The following SPATA2L variants were observed in gnomAD, a reference collection of about 807,000 sequenced individuals.
SPATA2L encodes the protein spermatogenesis-associated protein 2-like protein.
In SPATA2L, 5 loss-of-function variants were observed where a neutral mutation model predicts 8.7. That is an observed-to-expected ratio of 0.57 (90% CI 0.30 to 1.21). SPATA2L has a LOEUF of 1.21. SPATA2L is among the 50% of genes most tolerant of loss of function. SPATA2L has a pLI of 0.07. For synonymous variants in SPATA2L, 358 were observed against 275.8 expected (o/e 1.30, Z -2.95); for missense variants, 671 against 591.0 (o/e 1.14, Z -1.40).
At chr16:89,700,278 G>C (rs972830016) in intron 2 of SPATA2L, among the ~76,000 whole-genome samples, 1 of 152,206 alleles carries the variant, frequency 6.6e-6, no homozygotes, top group African/African-American at 2.4e-5. Flanking sequence ...GTGTCCCCGG[G>C]GAGCCGCGGA....
Position 89,701,034 on chromosome 16 carries a change from G to T in SPATA2L, c.199C>A (p.Leu67Met). The T allele has an allele frequency of 6.4e-7, 1 of 1,570,506 alleles. No individual in the cohort carries two copies. The highest frequency in any genetic ancestry group is 8.6e-7 in the Non-Finnish European group (1 of 1,161,290). The change falls in exon 2 of 3, where the codon CTG becomes ATG. Residue 67 changes from leucine to methionine, a missense_variant. Coordinates refer to ENST00000289805, the MANE Select transcript of SPATA2L (RefSeq NM_152339.4). Reference sequence around the variant, plus strand: ...GCCAGGCCGCGTAGCGCGGGCGCCAGGTCGGCGCGGCCCCACAGCCCGTCG... The same window carrying T: ...GCCAGGCCGCGTAGCGCGGGCGCCATGTCGGCGCGGCCCCACAGCCCGTCG... ...LTDGLWGRAD[L>M]APALRGLARA...
chr16:89,700,845 T>G, intron 2 of SPATA2L, 85 bp downstream of exon 2: 1 of 1,354,224 alleles, frequency 7.4e-7, no homozygotes. Flanking sequence ...CCCCTCTCTC[T>G]CGAAAGGCGT....
At chr16:89,699,285 G>A (rs771653151) in intron 2 of SPATA2L, among the ~76,000 whole-genome samples, 12 of 152,092 alleles carry the variant, frequency 7.9e-5, no homozygotes, top group Admixed American at 2.0e-4. Flanking sequence ...TACAGATTTC[G>A]TTTGCTCCTC....
At chr16:89,698,447 T>C in intron 2 of SPATA2L, 142 bp from the exon 3 acceptor site, 1 of 618,772 alleles carries the variant, frequency 1.6e-6, no homozygotes, top group Non-Finnish European at 2.6e-6. Context: ...CTTAGCCAGC[T>C]TGGGCCAGGC....
rs778824657 is a variant in SPATA2L at position 89,698,354 on chromosome 16, G to C, written c.304-49C>G. ...TGACTGCCCACCCTCCCATAGGCCAGACCCTAGGGTACAGTGGGTCCGGGA... is the reference window on the plus strand; with the variant it reads ...TGACTGCCCACCCTCCCATAGGCCACACCCTAGGGTACAGTGGGTCCGGGA... On this transcript the variant is annotated intron_variant, in intron 2 of 2. Coordinates refer to ENST00000289805, the MANE Select transcript of SPATA2L (RefSeq NM_152339.4). 9 of 1,522,788 alleles carry C rather than the reference G, an allele frequency of 5.9e-6. No homozygotes were observed. In the East Asian group the frequency reaches 9.1e-5, roughly 15 times the overall value. The allele number at this position is 1,522,788 out of a possible 1,614,324, so 94.3% of individuals were successfully genotyped here.
chr16:89,698,347 T>G, intron 2 of SPATA2L, 42 bp from the exon 3 acceptor site: 1 of 1,529,104 alleles, frequency 6.5e-7, no homozygotes, highest in African/African-American at 1.4e-5. Flanking sequence ...CACCCTCCCA[T>G]AGGCCAGACC....
Position 89,698,085 on chromosome 16 carries a change from C to T in SPATA2L, c.524G>A (p.Ser175Asn). ...CAGCAGCTCCTCAGCTGGCAGCACA[C>T]TGGTGCCCAGCTGGGCCAGCACCTC... ...LGEVLAQLGT[S>N]VLPAEELLQA... Residue 175 changes from serine (S) to asparagine (N), a missense_variant, in exon 3 of 3, where the codon AGT becomes AAT. Ser to Asn is a conservative substitution (Grantham distance 46). Coordinates refer to ENST00000289805, the MANE Select transcript of SPATA2L (RefSeq NM_152339.4). The T allele has an allele frequency of 1.2e-6, 2 of 1,600,524 alleles. No individual in the cohort carries two copies. The highest frequency in any genetic ancestry group is 2.2e-5 in the East Asian group (1 of 44,686).
chr16:89,696,609 TG>T lies in SPATA2L; in HGVS notation c.*724del. The T allele has an allele frequency of 1.7e-6, 1 of 596,752 alleles. No homozygotes were observed. Among genetic ancestry groups the T allele is most frequent in the Non-Finnish European group, 2.9e-6 (1 of 344,514 alleles). The allele number at this position is 596,752 out of a possible 1,614,324, so 37.0% of individuals were successfully genotyped here. On this transcript the variant is annotated 3_prime_UTR_variant, in exon 3 of 3. Transcript: ENST00000289805. ...TGGAGGGGAGGGGCACCATTACCAC[TG>T]GACCCACCAAGACCCCGCCGCCTGG...
intron 2 of SPATA2L, among the ~76,000 whole-genome samples, chr16:89,700,713 C>T (rs1261511816): frequency 2.0e-5 from 3 of 152,220 alleles, no homozygotes; most frequent in African/African-American, 7.2e-5. Context: ...CCGTAGGCAG[C>T]ACCCAAGCCT....
chr16:89,701,165 G>T lies in SPATA2L; in HGVS notation c.68C>A (p.Ala23Glu). The T allele has an allele frequency of 6.7e-7, 1 of 1,494,920 alleles. No individual in the cohort carries two copies. Among genetic ancestry groups the T allele is most frequent in the South Asian group, 1.2e-5 (1 of 80,496 alleles). The allele number at this position is 1,494,920 out of a possible 1,614,324, so 92.6% of individuals were successfully genotyped here. A position where few individuals can be genotyped will look rare whatever the true frequency, so the allele number is the denominator to read the frequency against. ...CLERELRRGR[A>E]GVCGDPSLRA... ...CAGCGAGGGGTCCCCGCACACGCCC[G>T]CGCGGCCCCGTCGCAGCTCGCGCTC... Residue 23 changes from alanine to glutamate, a missense_variant, in exon 2 of 3, where the codon GCG becomes GAG. Ala to Glu is a moderately radical substitution (Grantham distance 107). Coordinates refer to ENST00000289805, the MANE Select transcript of SPATA2L (RefSeq NM_152339.4).
chr16:89,701,608 CCCGCGGGTGA>C lies in SPATA2L; in HGVS notation c.-2+10_-2+19del, dbSNP rs2060776192. The C allele has an allele frequency of 9.1e-6, 2 of 220,088 alleles. No homozygotes were observed. Among genetic ancestry groups the C allele is most frequent in the Admixed American group, 1.2e-4 (2 of 17,132 alleles). 13.6% of individuals were successfully genotyped at this position (220,088 alleles called of 1,614,324 possible). A position where few individuals can be genotyped will look rare whatever the true frequency, so the allele number is the denominator to read the frequency against. On this transcript the variant is annotated intron_variant, in intron 1 of 2. Coordinates refer to ENST00000289805, the MANE Select transcript of SPATA2L (RefSeq NM_152339.4). ...TCGCCCGGCAGATGGAGCTGCGGAT[CCCGCGGGTGA>C]CGGCGCTACCTGTCTGTCCCCAGCG...
chr16:89,700,282 C>A (rs370244859), intron 2 of SPATA2L, among the ~76,000 whole-genome samples: 1 of 152,230 alleles, frequency 6.6e-6, no homozygotes. Flanking sequence ...CCCCGGGGAG[C>A]CGCGGAGAGA....
rs2151608872 is a variant in SPATA2L, at chr16:89,697,014, G to C, written c.*320C>G. The C allele has an allele frequency of 7.0e-7, 1 of 1,419,900 alleles. No individual in the cohort carries two copies. The highest frequency in any genetic ancestry group is 2.5e-5 in the East Asian group (1 of 39,338). 88.0% of individuals were successfully genotyped at this position (1,419,900 alleles called of 1,614,324 possible). A position where few individuals can be genotyped will look rare whatever the true frequency, so the allele number is the denominator to read the frequency against. On this transcript the variant is annotated 3_prime_UTR_variant, in exon 3 of 3. Coordinates refer to ENST00000289805, the MANE Select transcript of SPATA2L (RefSeq NM_152339.4). ...AGGAGCCACGGGCCTTGGGGCACAG[G>C]GTCCTTCTCAGGGACAGGTTCAGGC...
In SPATA2L at chr16:89,698,294, C is replaced by G. The variant is rs757774116; in HGVS notation, c.315G>C (p.Gly105=). The G allele has an allele frequency of 1.3e-6, 2 of 1,565,976 alleles. No homozygotes were observed. Among genetic ancestry groups the G allele is most frequent in the Non-Finnish European group, 1.7e-6 (2 of 1,152,040 alleles). ...KEFTTIKTFS[G]GYVHVLKGVL... Reference sequence around the variant, plus strand: ...CACCCTTCAGCACGTGCACGTAGCCCCCAGAGAAGGTCTGCAAGGGAGCGG... The same window carrying G: ...CACCCTTCAGCACGTGCACGTAGCCGCCAGAGAAGGTCTGCAAGGGAGCGG... The change falls in exon 3 of 3, where the codon GGG becomes GGC. Residue 105 remains glycine (G), a synonymous_variant. Coordinates refer to ENST00000289805, the MANE Select transcript of SPATA2L (RefSeq NM_152339.4).
rs746855731 is a variant in SPATA2L, at chr16:89,696,873, G to C, written c.*461C>G. 3 of 1,529,056 alleles carry C rather than the reference G, an allele frequency of 2.0e-6. No individual in the cohort carries two copies. The highest frequency in any genetic ancestry group is 2.4e-5 in the East Asian group (1 of 40,882). 94.7% of individuals were successfully genotyped at this position (1,529,056 alleles called of 1,614,324 possible). On this transcript the variant is annotated 3_prime_UTR_variant, in exon 3 of 3. Transcript: ENST00000289805. ...GATTGGCTCCAGCAGAGCTTGGGGT[G>C]GGGGGAGCTCGGTGTCACCAACAGG... is the stretch of plus-strand genomic sequence containing the variant.
chr16:89,698,477 T>G (rs2060753100), intron 2 of SPATA2L, among the ~76,000 whole-genome samples, 172 bp from the exon 3 acceptor site: 1 of 86,504 alleles, frequency 1.2e-5, no homozygotes, highest in Non-Finnish European at 2.3e-5. Flanking sequence ...ATGATTTCTT[T>G]TTTTTTTTTT....
In SPATA2L at chr16:89,697,487, A is replaced by G; in HGVS notation, c.1122T>C (p.Cys374=). The change falls in exon 3 of 3, where the codon TGT becomes TGC. Residue 374 remains cysteine, a synonymous_variant. Transcript: ENST00000289805. ...GALPTLCCDT[C]RQLHAAHCAA... ...CACAGTGGGCAGCATGCAGCTGGCG[A>G]CAGGTGTCGCAGCAGAGGGTGGGCA... 1 of 1,601,902 alleles carries G rather than the reference A, an allele frequency of 6.2e-7. No individual in the cohort carries two copies. Among genetic ancestry groups the G allele is most frequent in the South Asian group, 1.1e-5 (1 of 90,668 alleles).
chr16:89,696,620 A>C lies in SPATA2L; in HGVS notation c.*714T>G. 1.5e-6 allele frequency: 1 copy of C among 652,776 alleles called. No homozygotes were observed. The highest frequency in any genetic ancestry group is 2.8e-5 in the East Asian group (1 of 35,226). 40.4% of individuals were successfully genotyped at this position (652,776 alleles called of 1,614,324 possible). On this transcript the variant is annotated 3_prime_UTR_variant, in exon 3 of 3. Transcript: ENST00000289805. ...GGCACCATTACCACTGGACCCACCA[A>C]GACCCCGCCGCCTGGGCGGGCTGTC...
Position 89,697,452 on chromosome 16 carries a change from G to A in SPATA2L, c.1157C>T (p.Pro386Leu). The change falls in exon 3 of 3, where the codon CCC (proline) becomes CTC (leucine). Residue 386 changes from proline (P) to leucine (L), a missense_variant. By Grantham distance (98) the Pro-to-Leu change is moderately conservative. Transcript: ENST00000289805. ...CAGCGAGTGGCCTGGACGGCAGGCGGGCAGGGCTGCACAGTGGGCAGCATG... is the reference window on the plus strand; with the variant it reads ...CAGCGAGTGGCCTGGACGGCAGGCGAGCAGGGCTGCACAGTGGGCAGCATG... ...QLHAAHCAAL[P>L]ACRPGHSLRV... is the part of the protein sequence containing the mutation. The A allele has an allele frequency of 1.2e-6, 2 of 1,606,138 alleles. No individual in the cohort carries two copies. Among genetic ancestry groups the A allele is most frequent in the Non-Finnish European group, 1.7e-6 (2 of 1,177,276 alleles).
Sources: gnomAD v4.1 joint callset for allele counts (sites outside exome capture counted in the v4.1 genomes callset) on GRCh38, gnomAD v4.1.1 for gene constraint, MANE v1.5 for transcripts, NCBI Gene and HGNC (gene_info 2026-07-23, HGNC 2026-07-21) for gene names.